HMCES: variants seen among roughly 807,000 people sequenced by gnomAD.
HMCES encodes the protein abasic site processing protein HMCES.
HMCES carries 27 observed loss-of-function variants against 35.1 expected under a neutral mutation model. The observed-to-expected ratio is 0.77, with a 90% confidence interval of 0.57 to 1.06. The LOEUF (loss-of-function observed/expected upper bound fraction) is 1.06, where lower values mean the gene tolerates loss of function less well. HMCES is among the 50% of genes least tolerant of loss of function. HMCES has a pLI of 0.00. For synonymous variants in HMCES, 130 were observed against 154.7 expected (o/e 0.84, Z 1.18); for missense variants, 391 against 430.4 (o/e 0.91, Z 0.81).
chr3:129,288,695 C>CAA (rs142306566), intron 2 of HMCES, among the ~76,000 whole-genome samples, 159 bp from the exon 3 acceptor site: 3 of 150,912 alleles, frequency 2.0e-5, no homozygotes, highest in South Asian at 2.1e-4. Flanking sequence ...GACCTTATCT[C>CAA]AAAAAAAATA....
chr3:129,296,286 C>A (rs2107695003), intron 4 of HMCES, among the ~76,000 whole-genome samples: 1 of 152,254 alleles, frequency 6.6e-6, no homozygotes, highest in African/African-American at 2.4e-5. Context: ...GTCTTGAACG[C>A]CTGACCTCAA....
At chr3:129,281,876 G>A (rs529222303) in intron 2 of HMCES, among the ~76,000 whole-genome samples, 9 of 142,040 alleles carry the variant, frequency 6.3e-5, no homozygotes, top group Admixed American at 3.7e-4. Flanking sequence ...GCAGTGAGTC[G>A]AGAATGTGCC....
At chr3:129,289,909 C>A (rs1276292361) in intron 3 of HMCES, among the ~76,000 whole-genome samples, 1 of 151,972 alleles carries the variant, frequency 6.6e-6, no homozygotes, top group African/African-American at 2.4e-5. Flanking sequence ...AGAGAGTGGC[C>A]GGGCACGGTG....
intron 4 of HMCES, among the ~76,000 whole-genome samples, chr3:129,294,970 A>G (rs2107693883): frequency 6.6e-6 from 1 of 152,220 alleles, no homozygotes; most frequent in African/African-American, 2.4e-5. Flanking sequence ...ATCTTGGCTA[A>G]CACGGTGAAA....
intron 4 of HMCES, among the ~76,000 whole-genome samples, chr3:129,296,101 C>G (rs534109566): frequency 1.3e-5 from 2 of 152,158 alleles, no homozygotes; most frequent in South Asian, 4.1e-4. Flanking sequence ...CGCTCTGTCA[C>G]CCAAGCTGGA....
At position 129,305,546 on chromosome 3, in the gene HMCES, A is replaced by G. The variant is rs1010115162; in HGVS notation, c.*721A>G. 5.9e-5 allele frequency: 9 copies of G among 152,108 alleles called. No homozygotes were observed. The highest frequency in any genetic ancestry group is 2.2e-4 in the African/African-American group (9 of 41,388). 9.4% of individuals were successfully genotyped at this position (152,108 alleles called of 1,614,324 possible). ...TTGAGTGCTTGCCGTAGCAGAAACT[A>G]TCCTTACCACAGGTGGGAAGGAAAG... On this transcript the variant is annotated 3_prime_UTR_variant, in exon 7 of 7. Transcript: ENST00000383463.
chr3:129,291,309 T>A (rs986142695), intron 4 of HMCES, among the ~76,000 whole-genome samples: 3 of 152,246 alleles, frequency 2.0e-5, no homozygotes, highest in African/African-American at 7.2e-5. Flanking sequence ...GTTCAAAGTA[T>A]GCAATTATTA....
At chr3:129,280,071 A>C (rs1015897355) in intron 2 of HMCES, among the ~76,000 whole-genome samples, 156 bp downstream of exon 2, 2 of 152,178 alleles carry the variant, frequency 1.3e-5, no homozygotes, top group African/African-American at 4.8e-5. Context: ...TGGCCTCATG[A>C]AAGAAGTTTT....
chr3:129,282,417 C>T (rs1023382097), intron 2 of HMCES, among the ~76,000 whole-genome samples: 7 of 151,894 alleles, frequency 4.6e-5, no homozygotes, highest in Non-Finnish European at 1.0e-4. Flanking sequence ...TATGACTTGT[C>T]CTAGGTTACC....
At position 129,282,295 on chromosome 3, in the gene HMCES, CAAAA is replaced by C. The variant is rs201242976; in HGVS notation, c.183+2394_183+2397del. 1.6e-3 allele frequency among the ~76,000 whole-genome samples: 147 copies of C among 91,080 alleles called. 1 individual carries two copies. Among genetic ancestry groups the C allele is most frequent in the African/African-American group, 4.1e-3 (117 of 28,790 alleles). The allele number at this position is 91,080 out of a possible 152,430, so 59.8% of individuals were successfully genotyped here. ...TGAGCAAATGAGACCCTGTTTTTAA[CAAAA>C]AAAAAAAAAAAAAGCCTTAGTCATT... On this transcript the variant is annotated intron_variant, in intron 2 of 6. Transcript: ENST00000383463.
intron 4 of HMCES, among the ~76,000 whole-genome samples, chr3:129,292,383 A>C (rs928392102): frequency 1.3e-5 from 2 of 151,734 alleles, no homozygotes; most frequent in East Asian, 3.9e-4. Flanking sequence ...GCTACTTGGC[A>C]GGCTGAGGTG....
At chr3:129,290,974 G>C (rs745722694) in intron 4 of HMCES, among the ~76,000 whole-genome samples, 170 bp downstream of exon 4, 2 of 152,038 alleles carry the variant, frequency 1.3e-5, no homozygotes, top group African/African-American at 4.8e-5. Flanking sequence ...AGCCCAAGAC[G>C]GGAAGATTGC....
intron 2 of HMCES, among the ~76,000 whole-genome samples, chr3:129,287,940 C>T (rs1940682645): frequency 6.6e-6 from 1 of 152,074 alleles, no homozygotes; most frequent in South Asian, 2.1e-4. Context: ...GCCTGTAGTC[C>T]CGGCTACTCG....
chr3:129,299,144 T>C (rs2071129826), intron 5 of HMCES, among the ~76,000 whole-genome samples: 1 of 152,174 alleles, frequency 6.6e-6, no homozygotes, highest in Non-Finnish European at 1.5e-5. Context: ...TGAGATTCCA[T>C]CTCAATAAAT....
chr3:129,282,774 T>G (rs559956126), intron 2 of HMCES, among the ~76,000 whole-genome samples: 1 of 152,318 alleles, frequency 6.6e-6, no homozygotes, highest in African/African-American at 2.4e-5. Flanking sequence ...GATTTGCAAA[T>G]TACTTCCTGT....
intron 4 of HMCES, among the ~76,000 whole-genome samples, chr3:129,294,488 G>A (rs1576988221): frequency 6.6e-6 from 1 of 151,780 alleles, no homozygotes; most frequent in East Asian, 2.0e-4. Flanking sequence ...TACATTTTAA[G>A]TTAATAACAT....
chr3:129,287,847 C>G (rs1026432032), intron 2 of HMCES, among the ~76,000 whole-genome samples: 2 of 152,082 alleles, frequency 1.3e-5, no homozygotes, highest in Admixed American at 6.6e-5. Flanking sequence ...ATCACAAGGT[C>G]AGGAGTTCAA....
In HMCES at chr3:129,299,647, T is replaced by G. The variant is rs182370529; in HGVS notation, c.635+1112T>G. On this transcript the variant is annotated intron_variant, in intron 5 of 6. Transcript: ENST00000383463. Reference sequence around the variant, plus strand: ...TTTTTGTATGAACCTTATAGGTGCTTCTTTTTTTTTTTTTTTTTTTTTGAG... The same window carrying G: ...TTTTTGTATGAACCTTATAGGTGCTGCTTTTTTTTTTTTTTTTTTTTTGAG... Among the ~76,000 whole-genome samples, 7 of 131,496 alleles carry G rather than the reference T, an allele frequency of 5.3e-5. No homozygotes were observed. The East Asian group carries it at 8.1e-4, about 15-fold the overall frequency. The allele number at this position is 131,496 out of a possible 152,430, so 86.3% of individuals were successfully genotyped here. A position where few individuals can be genotyped will look rare whatever the true frequency, so the allele number is the denominator to read the frequency against.
intron 4 of HMCES, among the ~76,000 whole-genome samples, chr3:129,291,118 C>T (rs1415565557): frequency 1.3e-5 from 2 of 152,074 alleles, no homozygotes; most frequent in African/African-American, 4.8e-5. Context: ...GGGAGGATCA[C>T]TTGAACCCAC....
Sources: gnomAD v4.1 joint callset for allele counts (sites outside exome capture counted in the v4.1 genomes callset) on GRCh38, gnomAD v4.1.1 for gene constraint, MANE v1.5 for transcripts, NCBI Gene and HGNC (gene_info 2026-07-23, HGNC 2026-07-21) for gene names.